ZNF331: variants seen among roughly 807,000 people sequenced by gnomAD.
The protein encoded by ZNF331 is C2H2-like zinc finger protein rearranged in thyroid adenomas.
Under a neutral mutation model 7.0 loss-of-function variants are expected in ZNF331, and 2 were observed. That is an observed-to-expected ratio of 0.29 (90% CI 0.12 to 0.90). ZNF331 has a LOEUF of 0.90. Among genes scored for constraint, ZNF331 ranks in the 40% least tolerant of loss-of-function variants. The pLI, the probability that ZNF331 is intolerant of heterozygous loss-of-function variation, is 0.58. For synonymous variants in ZNF331, 196 were observed against 205.4 expected (o/e 0.95, Z 0.39); for missense variants, 432 against 587.7 (o/e 0.74, Z 2.74).
rs1230039075 is a variant in ZNF331, at chr19:53,538,218, C to T, written c.-283C>T. On this transcript the variant is annotated 5_prime_UTR_variant, in exon 1 of 6. Coordinates refer to ENST00000449416, the MANE Select transcript of ZNF331 (RefSeq NM_001079906.2). ...CTGTGACACGGGTGCACGCGAGCGT[C>T]ATTGGGGGCGATGGGGGCCGTGCTG... 1 of 152,340 alleles carries T rather than the reference C, an allele frequency of 6.6e-6. No homozygotes were observed. The highest frequency in any genetic ancestry group is 1.5e-5 in the Non-Finnish European group (1 of 68,158). The allele number at this position is 152,340 out of a possible 1,614,324, so 9.4% of individuals were successfully genotyped here. A position where few individuals can be genotyped will look rare whatever the true frequency, so the allele number is the denominator to read the frequency against.
At position 53,559,787 on chromosome 19, in the gene ZNF331, TAC is replaced by T. The variant is rs1020637700; in HGVS notation, c.-74+3886_-74+3887del. Among the ~76,000 whole-genome samples, 6 of 115,532 alleles carry T rather than the reference TAC, an allele frequency of 5.2e-5. 1 individual carries two copies. Among genetic ancestry groups the T allele is most frequent in the East Asian group, 2.5e-4 (1 of 3,948 alleles). The allele number at this position is 115,532 out of a possible 152,430, so 75.8% of individuals were successfully genotyped here. ...ACATACCCATATATACATATATATA[TAC>T]ACACACGTATATACATATATACACA... On this transcript the variant is annotated intron_variant, in intron 3 of 5. Transcript: ENST00000449416.
chr19:53,547,712 C>A (rs1235123262), intron 2 of ZNF331, among the ~76,000 whole-genome samples: 1 of 152,096 alleles, frequency 6.6e-6, no homozygotes, highest in East Asian at 1.9e-4. Flanking sequence ...TTAATAAAAG[C>A]CATTCTTACA....
chr19:53,579,686 A>T lies in ZNF331; in HGVS notation c.*1734A>T. ...TTCTAGAAGAAAACATTAAGAGATT[A>T]TTGGCACAGCCGTGGGTTACGCAAT... On this transcript the variant is annotated 3_prime_UTR_variant, in exon 6 of 6. Coordinates refer to ENST00000449416, the MANE Select transcript of ZNF331 (RefSeq NM_001079906.2). 5.0e-6 allele frequency: 1 copy of T among 199,676 alleles called. No homozygotes were observed. The highest frequency in any genetic ancestry group is 1.0e-5 in the Non-Finnish European group (1 of 96,648). The allele number at this position is 199,676 out of a possible 1,614,324, so 12.4% of individuals were successfully genotyped here.
chr19:53,566,453 C>T (rs188677022), intron 3 of ZNF331, among the ~76,000 whole-genome samples: 2 of 152,260 alleles, frequency 1.3e-5, no homozygotes, highest in Non-Finnish European at 2.9e-5. Context: ...CCACCAGGCC[C>T]AGCTAATTTT....
chr19:53,549,391 C>G (rs2088837176), intron 2 of ZNF331, among the ~76,000 whole-genome samples: 1 of 152,154 alleles, frequency 6.6e-6, no homozygotes, highest in African/African-American at 2.4e-5. Flanking sequence ...TACTGTAAGG[C>G]TGCAGAACAA....
intron 5 of ZNF331, among the ~76,000 whole-genome samples, chr19:53,575,599 A>T (rs1294118554): frequency 7.8e-6 from 1 of 127,418 alleles, no homozygotes; most frequent in Admixed American, 9.1e-5. Context: ...TCAGCCTCCC[A>T]AGTAGCTGGG....
chr19:53,533,003 T>A (rs910973740), intron 2 of ZNF331, among the ~76,000 whole-genome samples: 4 of 152,116 alleles, frequency 2.6e-5, no homozygotes, highest in African/African-American at 9.6e-5. Context: ...GTTTATTTAG[T>A]CTCCATTTAT....
upstream of ZNF331, among the ~76,000 whole-genome samples, chr19:53,536,034 C>T (rs1252448142): frequency 6.6e-6 from 1 of 152,112 alleles, no homozygotes; most frequent in Non-Finnish European, 1.5e-5. Flanking sequence ...GAACTTCTGA[C>T]CTCAAGTGAT....
intron 3 of ZNF331, among the ~76,000 whole-genome samples, chr19:53,562,408 C>T (rs550980250): frequency 1.1e-4 from 17 of 151,720 alleles, no homozygotes; most frequent in South Asian, 6.3e-4. Flanking sequence ...ACAAGATTCA[C>T]GCCGGGTGCA....
intron 3 of ZNF331, among the ~76,000 whole-genome samples, chr19:53,559,860 CATACACACACGAGCAT>C (rs1408444771): frequency 2.7e-5 from 4 of 150,818 alleles, no homozygotes; most frequent in African/African-American, 7.3e-5. Flanking sequence ...ATATACATAC[CATACACACACGAGCAT>C]ATACACACAC....
intron 2 of ZNF331, among the ~76,000 whole-genome samples, chr19:53,524,334 G>C (rs556762719): frequency 6.6e-6 from 1 of 152,150 alleles, no homozygotes; most frequent in African/African-American, 2.4e-5. Flanking sequence ...TTGAGGAATC[G>C]CCACACTGTC....
At position 53,572,785 on chromosome 19, in the gene ZNF331, A is replaced by G. The variant is rs76213348; in HGVS notation, c.136+1055A>G. On this transcript the variant is annotated intron_variant, in intron 5 of 5. Coordinates refer to ENST00000449416, the MANE Select transcript of ZNF331 (RefSeq NM_001079906.2). ...ATCATTGTCTATTTTGGAGATGAGG[A>G]TACTGAAACACAGTGATGCAGTCAG... 1.6e-4 allele frequency among the ~76,000 whole-genome samples: 24 copies of G among 152,158 alleles called. No homozygotes were observed. The East Asian group carries it at 4.6e-3, about 29-fold the overall frequency.
chr19:53,512,360 G>C, the ZNF331 span: 37 of 152,530 alleles, frequency 2.4e-4, no homozygotes, highest in African/African-American at 7.2e-4. Context: ...AGCGGGGAAT[G>C]TGCCTGCTGA....
chr19:53,562,843 C>T (rs1488135779), intron 3 of ZNF331, among the ~76,000 whole-genome samples: 1 of 151,640 alleles, frequency 6.6e-6, no homozygotes, highest in Non-Finnish European at 1.5e-5. Flanking sequence ...CAAAAAATAG[C>T]CGGGCATGGT....
intron 2 of ZNF331, among the ~76,000 whole-genome samples, chr19:53,525,364 C>G (rs2087253155): frequency 6.6e-6 from 1 of 152,118 alleles, no homozygotes; most frequent in East Asian, 1.9e-4. Context: ...GCGGTATGGC[C>G]ATTTTCACGA....
chr19:53,567,621 A>T (rs947394325), intron 3 of ZNF331, among the ~76,000 whole-genome samples: 1 of 152,014 alleles, frequency 6.6e-6, no homozygotes, highest in African/African-American at 2.4e-5. Flanking sequence ...CTAAGGTGGG[A>T]AGCTCACTTG....
intron 2 of ZNF331, among the ~76,000 whole-genome samples, chr19:53,528,599 C>G (rs1421514668): frequency 6.6e-6 from 1 of 152,184 alleles, no homozygotes; most frequent in Non-Finnish European, 1.5e-5. Flanking sequence ...ACTGCAGAGC[C>G]TGTGTTCTTA....
At chr19:53,547,133 T>G (rs539705960) in intron 2 of ZNF331, among the ~76,000 whole-genome samples, 49 of 152,316 alleles carry the variant, frequency 3.2e-4, no homozygotes, top group African/African-American at 1.1e-3. Flanking sequence ...TTCATTATAT[T>G]TAGTCACCAT....
upstream of ZNF331, among the ~76,000 whole-genome samples, chr19:53,534,110 G>A (rs1269222357): frequency 6.6e-6 from 1 of 152,150 alleles, no homozygotes; most frequent in South Asian, 2.1e-4. Flanking sequence ...CACAGTGAAA[G>A]GTCATTCAAG....
Sources: allele counts gnomAD v4.1 joint callset (sites outside exome capture counted in the v4.1 genomes callset), GRCh38; gene constraint gnomAD v4.1.1; transcripts MANE v1.5; gene names NCBI Gene and HGNC (gene_info 2026-07-23, HGNC 2026-07-21).